Variants in SLC25A32 observed in about 807,000 individuals in gnomAD.
The protein encoded by SLC25A32 is solute carrier family 25 member 32.
Under a neutral mutation model 39.0 loss-of-function variants are expected in SLC25A32, and 32 were observed. The observed-to-expected ratio is 0.82, with a 90% CI of 0.62 to 1.10. The LOEUF (loss-of-function observed/expected upper bound fraction) is 1.10. SLC25A32 is among the 50% of genes least tolerant of loss of function. The pLI, the probability that SLC25A32 is intolerant of heterozygous loss-of-function variation, is 0.00. For synonymous variants in SLC25A32, 166 were observed against 152.4 expected, an observed-to-expected ratio of 1.09 and a Z score of -0.66; for missense variants, 367 against 395.3, an observed-to-expected ratio of 0.93 and a Z score of 0.61.
In SLC25A32 at chr8:103,402,044, G is replaced by A; in HGVS notation, c.563C>T (p.Pro188Leu). ...ACCATGCGATGTTCCAAACAGCCCA[G>A]GAACAAATCCCTACAAGGGAATGAT... ...GVRGLYKGFV[P>L]GLFGTSHGAL... The change falls in exon 5 of 7, where the codon CCT (proline) becomes CTT (leucine). Residue 188 changes from proline to leucine, a missense_variant. Transcript: ENST00000297578. 2.5e-6 allele frequency: 4 copies of A among 1,606,630 alleles called. No individual in the cohort carries two copies. Among genetic ancestry groups the A allele is most frequent in the Non-Finnish European group, 3.4e-6 (4 of 1,176,538 alleles).
chr8:103,401,996 T>C lies in SLC25A32; in HGVS notation c.611A>G (p.Glu204Gly). ...CTGGTTGTACTTCAACTTCAGCAAT[T>C]CATATGCCATAAACTGAAGGGCACC... ...SHGALQFMAY[E>G]LLKLKYNQHI... is the part of the protein sequence containing the mutation. Residue 204 changes from glutamate to glycine, a missense_variant, in exon 5 of 7, where the codon GAA becomes GGA. Glu to Gly is a moderately conservative substitution (Grantham distance 98). Transcript: ENST00000297578. 6.2e-7 allele frequency: 1 copy of C among 1,613,476 alleles called. No homozygotes were observed. The highest frequency in any genetic ancestry group is 8.5e-7 in the Non-Finnish European group (1 of 1,179,628).
intron 1 of SLC25A32, 151 bp downstream of exon 1, chr8:103,414,633 C>A (rs577273600): frequency 3.6e-6 from 4 of 1,106,036 alleles, no homozygotes; most frequent in African/African-American, 3.1e-5. Context: ...CTCCACCAAG[C>A]ACCATTTCCT....
intron 2 of SLC25A32, 67 bp from the exon 3 acceptor site, chr8:103,404,928 T>TA: frequency 9.1e-7 from 1 of 1,103,666 alleles, no homozygotes; most frequent in Non-Finnish European, 1.4e-6. Context: ...AAAGTGTATG[T>TA]AAGTCAACAG....
Position 103,414,821 on chromosome 8 carries a change from C to A in SLC25A32, c.117G>T (p.Ala39=), listed in dbSNP as rs781158650. The part of the protein sequence containing the change: ...GVSGGVLSNL[A]LHPLDLVKIR... ...TCTTCACGAGGTCGAGCGGATGCAG[C>A]GCAAGGTTGGATAAGACGCCGCCGC... is the stretch of plus-strand genomic sequence containing the variant. Residue 39 remains alanine, a synonymous_variant, in exon 1 of 7, where the codon GCG becomes GCT. Coordinates refer to ENST00000297578, the MANE Select transcript of SLC25A32 (RefSeq NM_030780.5). The A allele has an allele frequency of 4.3e-6, 7 of 1,613,698 alleles. No homozygotes were observed. The highest frequency in any genetic ancestry group is 2.7e-5 in the African/African-American group (2 of 74,958).
At chr8:103,414,661 A>G in intron 1 of SLC25A32, 123 bp downstream of exon 1, 2 of 1,369,444 alleles carry the variant, frequency 1.5e-6, no homozygotes, top group Non-Finnish European at 2.0e-6. Flanking sequence ...AGTTCAGGTT[A>G]GCCAACGCGG....
chr8:103,401,917 T>C (rs1182643451), intron 5 of SLC25A32, 24 bp downstream of exon 5: 1 of 1,570,736 alleles, frequency 6.4e-7, no homozygotes, highest in South Asian at 1.1e-5. Flanking sequence ...GGAAATGATA[T>C]CATTTTTACA....
intron 1 of SLC25A32, among the ~76,000 whole-genome samples, chr8:103,408,593 C>G (rs1406728412): frequency 1.3e-5 from 2 of 152,066 alleles, no homozygotes; most frequent in Non-Finnish European, 2.9e-5. Context: ...CCTGGAAATT[C>G]TTTCTATCCT....
In SLC25A32 at chr8:103,401,670, G is replaced by A; in HGVS notation, c.667-9C>T. 1 of 1,566,282 alleles carries A rather than the reference G, an allele frequency of 6.4e-7. No individual in the cohort carries two copies. Among genetic ancestry groups the A allele is most frequent in the Non-Finnish European group, 8.6e-7 (1 of 1,158,418 alleles). ...ATATATTCTACTGTGCTCTAAAATG[G>A]CAATACAAAACAGTTTTTTCTTTAG... On this transcript the variant is annotated splice_polypyrimidine_tract_variant and intron_variant, in intron 5 of 6. Transcript: ENST00000297578.
At chr8:103,404,360 C>T (rs1816279983) in intron 3 of SLC25A32, among the ~76,000 whole-genome samples, 1 of 152,066 alleles carries the variant, frequency 6.6e-6, no homozygotes, top group Non-Finnish European at 1.5e-5. Flanking sequence ...CTTTGGGAGG[C>T]AGAGGCAGGT....
At chr8:103,411,077 CA>C (rs1816453998) in intron 1 of SLC25A32, among the ~76,000 whole-genome samples, 1 of 152,070 alleles carries the variant, frequency 6.6e-6, no homozygotes. Context: ...GAATTGAAAA[CA>C]AATATAAATG....
In SLC25A32 at chr8:103,400,130, A is replaced by C. The variant is rs1247285990; in HGVS notation, c.*281T>G. 5.2e-6 allele frequency: 2 copies of C among 386,808 alleles called. No homozygotes were observed. Among genetic ancestry groups the C allele is most frequent in the African/African-American group, 2.1e-5 (1 of 47,758 alleles). The allele number at this position is 386,808 out of a possible 1,614,324, so 24.0% of individuals were successfully genotyped here. A position where few individuals can be genotyped will look rare whatever the true frequency, so the allele number is the denominator to read the frequency against. On this transcript the variant is annotated 3_prime_UTR_variant, in exon 7 of 7. Transcript: ENST00000297578. The stretch of plus-strand genomic sequence containing the variant: ...CAAATGTTGCAAATCAGCTTCCACC[A>C]ATAAAACGTAGAAATCTGTGAAACT...
rs1483488935 is a variant in SLC25A32, at chr8:103,403,174, C to T, written c.542G>A (p.Gly181Glu). The change falls in exon 4 of 7, where the codon GGA becomes GAA. Residue 181 changes from glycine (G) to glutamate (E), a missense_variant. Physicochemically the swap from Gly to Glu is moderately conservative, Grantham distance 98. Transcript: ENST00000297578. ...TTGATAATTTGTTACCTTATATAAT[C>T]CACGCACACCTTCATACTTATATAT... ...VKIYKYEGVR[G>E]LYKGFVPGLF... The T allele has an allele frequency of 6.3e-7, 1 of 1,596,126 alleles. No individual in the cohort carries two copies. Among genetic ancestry groups the T allele is most frequent in the East Asian group, 2.2e-5 (1 of 44,708 alleles).
At chr8:103,408,860 C>T (rs539064114) in intron 1 of SLC25A32, among the ~76,000 whole-genome samples, 2 of 152,306 alleles carry the variant, frequency 1.3e-5, no homozygotes, top group South Asian at 4.1e-4. Flanking sequence ...ATTTCTCTTG[C>T]ACCTGTCTAT....
chr8:103,400,032 C>T lies in SLC25A32; in HGVS notation c.*379G>A, dbSNP rs1816183159. 4.7e-6 allele frequency: 1 copy of T among 211,064 alleles called. No homozygotes were observed. 13.1% of individuals were successfully genotyped at this position (211,064 alleles called of 1,614,324 possible). ...TTAAAGAGCTATTTTCTTGGTATTGCACAAAGGTTAATTTTAAAGCAATCC... is the reference window on the plus strand; with the variant it reads ...TTAAAGAGCTATTTTCTTGGTATTGTACAAAGGTTAATTTTAAAGCAATCC... On this transcript the variant is annotated 3_prime_UTR_variant, in exon 7 of 7. Transcript: ENST00000297578.
At chr8:103,405,519 A>C (rs993653413) in intron 2 of SLC25A32, among the ~76,000 whole-genome samples, 4 of 152,306 alleles carry the variant, frequency 2.6e-5, no homozygotes, top group South Asian at 2.1e-4. Context: ...GCCACACTTG[A>C]GTGGTAGATT....
At chr8:103,406,934 A>T (rs1445634304) in intron 2 of SLC25A32, among the ~76,000 whole-genome samples, 1 of 152,238 alleles carries the variant, frequency 6.6e-6, no homozygotes, top group African/African-American at 2.4e-5. Context: ...AAAATAACTT[A>T]GTTATTTAAA....
At chr8:103,408,151 T>C (rs1480854579) in intron 1 of SLC25A32, among the ~76,000 whole-genome samples, 1 of 150,292 alleles carries the variant, frequency 6.7e-6, no homozygotes, top group Non-Finnish European at 1.5e-5. Flanking sequence ...CTAATTTTTG[T>C]ATTTTTTTTT....
In SLC25A32 at chr8:103,400,004, C is replaced by A. The variant is rs1053006434; in HGVS notation, c.*407G>T. 1 of 174,692 alleles carries A rather than the reference C, an allele frequency of 5.7e-6. No homozygotes were observed. Among genetic ancestry groups the A allele is most frequent in the Non-Finnish European group, 1.2e-5 (1 of 83,710 alleles). The allele number at this position is 174,692 out of a possible 1,614,324, so 10.8% of individuals were successfully genotyped here. Reference sequence around the variant, plus strand: ...TTACCTTGAGACATACAAAGACATTCTTTTAAAGAGCTATTTTCTTGGTAT... The same window carrying A: ...TTACCTTGAGACATACAAAGACATTATTTTAAAGAGCTATTTTCTTGGTAT... On this transcript the variant is annotated 3_prime_UTR_variant, in exon 7 of 7. Transcript: ENST00000297578.
chr8:103,413,955 A>C (rs1190253749), intron 1 of SLC25A32, among the ~76,000 whole-genome samples: 1 of 152,230 alleles, frequency 6.6e-6, no homozygotes, highest in Non-Finnish European at 1.5e-5. Flanking sequence ...CCTACAATTA[A>C]ATTCTAAGTT....
Sources: allele counts gnomAD v4.1 joint callset (sites outside exome capture counted in the v4.1 genomes callset), GRCh38; gene constraint gnomAD v4.1.1; transcripts MANE v1.5; gene names NCBI Gene and HGNC (gene_info 2026-07-23, HGNC 2026-07-21).